The following XYLT2 variants were observed in gnomAD, a reference collection of about 807,000 sequenced individuals.
XYLT2 encodes the protein xylosyltransferase 2, also known as UDP-D-xylose:proteoglycan core protein beta-D-xylosyltransferase.
Under a neutral mutation model 82.6 loss-of-function variants are expected in XYLT2, and 37 were observed. The ratio of observed to expected loss-of-function variants is 0.45; its 90% CI spans 0.34 to 0.59. The LOEUF is 0.59. Among genes scored for constraint, XYLT2 ranks in the 20% least tolerant of loss-of-function variants. The pLI is 0.01. For synonymous variants in XYLT2, 474 were observed against 499.0 expected, an observed-to-expected ratio of 0.95 and a Z score of 0.67; for missense variants, 934 against 1,181.3, an observed-to-expected ratio of 0.79 and a Z score of 3.07.
intron 1 of XYLT2, among the ~76,000 whole-genome samples, chr17:50,349,585 AAAAT>A (rs1912170715): frequency 6.6e-6 from 1 of 152,134 alleles, no homozygotes; most frequent in Admixed American, 6.5e-5. Context: ...TATCTCTATT[AAAAT>A]AAATAAAATA....
At chr17:50,356,841 A>C (rs1375928703) in intron 8 of XYLT2, 68 bp downstream of exon 8, 3 of 1,543,822 alleles carry the variant, frequency 1.9e-6, no homozygotes, top group African/African-American at 2.7e-5. Flanking sequence ...CCAACCAGAG[A>C]GTGACGTCCC....
chr17:50,349,801 G>A (rs368054052), intron 1 of XYLT2, among the ~76,000 whole-genome samples: 26 of 152,246 alleles, frequency 1.7e-4, no homozygotes, highest in African/African-American at 6.0e-4. Flanking sequence ...CAACCCAGCC[G>A]AGTCCAAGAT....
intron 1 of XYLT2, among the ~76,000 whole-genome samples, chr17:50,352,207 G>A (rs1017561423): frequency 2.6e-5 from 4 of 152,238 alleles, no homozygotes; most frequent in Admixed American, 6.5e-5. Context: ...AGTGTCTCAT[G>A]CTCAGTTGTT....
rs1912778170 is a variant in XYLT2 at position 50,360,831 on chromosome 17, A to G, written c.*540A>G. 1.0e-6 allele frequency: 1 copy of G among 985,922 alleles called. No homozygotes were observed. The highest frequency in any genetic ancestry group is 4.7e-5 in the South Asian group (1 of 21,290). The allele number at this position is 985,922 out of a possible 1,614,324, so 61.1% of individuals were successfully genotyped here. A position where few individuals can be genotyped will look rare whatever the true frequency, so the allele number is the denominator to read the frequency against. On this transcript the variant is annotated 3_prime_UTR_variant, in exon 11 of 11. Transcript: ENST00000017003. Reference sequence around the variant, plus strand: ...GCTGCAAGTGCCCTGCCAGGCTCTAAGGCCCGAAGAACAGGTGATATCGGG... The same window carrying G: ...GCTGCAAGTGCCCTGCCAGGCTCTAGGGCCCGAAGAACAGGTGATATCGGG...
In XYLT2 at chr17:50,358,519, C is replaced by A. The variant is rs771602394; in HGVS notation, c.2254C>A (p.Arg752Ser). 1 of 1,612,426 alleles carries A rather than the reference C, an allele frequency of 6.2e-7. No homozygotes were observed. The highest frequency in any genetic ancestry group is 2.2e-5 in the East Asian group (1 of 44,834). Residue 752 changes from arginine (R) to serine (S), a missense_variant, in exon 10 of 11, where the codon CGC (arginine) becomes AGC (serine). Coordinates refer to ENST00000017003, the MANE Select transcript of XYLT2 (RefSeq NM_022167.4). ...RFLVLPLTFN[R>S]KLPLRKDDAS... ...CCTTGTGCTGCCCTTGACCTTCAAC[C>A]GCAAACTACCTCTCAGGAAAGGTAA...
chr17:50,356,362 G>A lies in XYLT2; in HGVS notation c.1482+101G>A, dbSNP rs570310352. On this transcript the variant is annotated intron_variant, in intron 7 of 10. Coordinates refer to ENST00000017003, the MANE Select transcript of XYLT2 (RefSeq NM_022167.4). Reference sequence around the variant, plus strand: ...CCAGTAAGAGAATCTGGGGGGCCACGGCCTGCAGCAACCCTCAGGGGTCTG... The same window carrying A: ...CCAGTAAGAGAATCTGGGGGGCCACAGCCTGCAGCAACCCTCAGGGGTCTG... 6.8e-4 allele frequency: 1,048 copies of A among 1,551,866 alleles called. 18 individuals are homozygous for A. The South Asian group carries it at 0.011, about 16-fold the overall frequency.
chr17:50,361,159 C>T lies in XYLT2; in HGVS notation c.*868C>T, dbSNP rs1232822576. On this transcript the variant is annotated 3_prime_UTR_variant, in exon 11 of 11. Transcript: ENST00000017003. ...TATATCTCTATCTCTCTACTCTGGG[C>T]TCTGTGTTTTTCCTCCTGGGTGTCA... The T allele has an allele frequency of 1.2e-5, 12 of 985,522 alleles. No individual in the cohort carries two copies. In the South Asian group the frequency reaches 5.2e-4, roughly 42 times the overall value. The allele number at this position is 985,522 out of a possible 1,614,324, so 61.0% of individuals were successfully genotyped here.
chr17:50,358,682 C>G, intron 10 of XYLT2, 142 bp downstream of exon 10: 1 of 888,216 alleles, frequency 1.1e-6, no homozygotes. Context: ...CCTTCATCTT[C>G]TTTCCTGTAG....
rs1271982640 is a variant in XYLT2 at position 50,356,106 on chromosome 17, GA to G, written c.1328del (p.Glu443GlyfsTer68). 6.2e-7 allele frequency: 1 copy of G among 1,614,216 alleles called. No individual in the cohort carries two copies. The highest frequency in any genetic ancestry group is 1.7e-5 in the Admixed American group (1 of 60,032). The stretch of plus-strand genomic sequence containing the variant: ...GCAGTCCTTCTTCCACACGGTGCTG[GA>G]GAACAGCCTGGCCTGTGAGACCCTC... Reference protein sequence around the residue: ...PAESFFHTVLENSLACETLVD... With the variant: ...PAESFFHTVLXNSLACETLVD... On this transcript the variant is annotated frameshift_variant, in exon 7 of 11. Coordinates refer to ENST00000017003, the MANE Select transcript of XYLT2 (RefSeq NM_022167.4). LOFTEE classifies it high-confidence loss of function.
chr17:50,347,348 C>G (rs1912086054), intron 1 of XYLT2, among the ~76,000 whole-genome samples: 1 of 152,178 alleles, frequency 6.6e-6, no homozygotes, highest in African/African-American at 2.4e-5. Context: ...GTCTGGAAGG[C>G]CTGGTGTGGA....
At chr17:50,355,401 G>T in intron 4 of XYLT2, 100 bp from the exon 5 acceptor site, 1 of 1,334,186 alleles carries the variant, frequency 7.5e-7, no homozygotes, top group Non-Finnish European at 1.1e-6. Flanking sequence ...CACATGGCCA[G>T]CCAGCAATCA....
At position 50,360,147 on chromosome 17, in the gene XYLT2, C is replaced by T. The variant is rs1403817296; in HGVS notation, c.2454C>T (p.Ser818=). Residue 818 remains serine (S), a synonymous_variant, in exon 11 of 11, where the codon AGC becomes AGT. Coordinates refer to ENST00000017003, the MANE Select transcript of XYLT2 (RefSeq NM_022167.4). ...CCTGGACAGACAGGGAACTGAGCAG[C>T]TTCTGGTCCGTGGCTGGACTGTGTG... ...LEAWTDRELS[S]FWSVAGLCAI... 3 of 1,614,070 alleles carry T rather than the reference C, an allele frequency of 1.9e-6. No homozygotes were observed. The East Asian group carries it at 6.7e-5, about 36-fold the overall frequency.
chr17:50,351,842 GC>G (rs1164000152), intron 1 of XYLT2, among the ~76,000 whole-genome samples: 1 of 152,152 alleles, frequency 6.6e-6, no homozygotes, highest in African/African-American at 2.4e-5. Context: ...GTTCAAGGGA[GC>G]TATCCAGGCC....
rs756734796 is a variant in XYLT2, at chr17:50,356,076, T to C, written c.1306-9T>C. ...CAGCTCACCTTCCACTCTCCCTTGC[T>C]GCTTGCAGTCCTTCTTCCACACGGT... On this transcript the variant is annotated splice_polypyrimidine_tract_variant and intron_variant, in intron 6 of 10. Coordinates refer to ENST00000017003, the MANE Select transcript of XYLT2 (RefSeq NM_022167.4). 1 of 1,614,200 alleles carries C rather than the reference T, an allele frequency of 6.2e-7. No homozygotes were observed. Among genetic ancestry groups the C allele is most frequent in the East Asian group, 2.2e-5 (1 of 44,886 alleles).
intron 2 of XYLT2, 114 bp from the exon 3 acceptor site, chr17:50,354,294 A>G: frequency 6.7e-7 from 1 of 1,491,958 alleles, no homozygotes; most frequent in African/African-American, 1.4e-5. Context: ...GGGACCCACG[A>G]GCATGGAGCT....
At chr17:50,351,767 G>T (rs1912279728) in intron 1 of XYLT2, among the ~76,000 whole-genome samples, 1 of 152,218 alleles carries the variant, frequency 6.6e-6, no homozygotes, top group Admixed American at 6.5e-5. Flanking sequence ...TGGGCTTGTG[G>T]CTTTGAGAGG....
rs1418247046 is a variant in XYLT2, at chr17:50,358,440, G to T, written c.2175G>T (p.Gly725=). 1.9e-6 allele frequency: 3 copies of T among 1,614,064 alleles called. No individual in the cohort carries two copies. Among genetic ancestry groups the T allele is most frequent in the Admixed American group, 3.3e-5 (2 of 60,010 alleles). The change falls in exon 10 of 11, where the codon GGG becomes GGT. Residue 725 remains glycine (G), a synonymous_variant. Transcript: ENST00000017003. ...CACTGAGCCGGCCCCTGCGGCCAGG[G>T]CCCTGGACTGTTCGACTCCTTCAGT... ...KPPLSRPLRP[G]PWTVRLLQFW...
chr17:50,361,135 A>T lies in XYLT2; in HGVS notation c.*844A>T. ...GTCTGAAATATGCAACAGAAGAAAT[A>T]TATCTCTATCTCTCTACTCTGGGCT... On this transcript the variant is annotated 3_prime_UTR_variant, in exon 11 of 11. Transcript: ENST00000017003. 1.0e-6 allele frequency: 1 copy of T among 985,878 alleles called. No homozygotes were observed. The highest frequency in any genetic ancestry group is 1.2e-6 in the Non-Finnish European group (1 of 829,932). 61.1% of individuals were successfully genotyped at this position (985,878 alleles called of 1,614,324 possible).
rs386386236 is a variant in XYLT2, at chr17:50,360,571, CTTTTTTTTTTTT to C, written c.*288_*299del. 4 of 979,878 alleles carry C rather than the reference CTTTTTTTTTTTT, an allele frequency of 4.1e-6. No individual in the cohort carries two copies. In the African/African-American group the frequency reaches 5.9e-5, roughly 15 times the overall value. The allele number at this position is 979,878 out of a possible 1,614,324, so 60.7% of individuals were successfully genotyped here. ...TGTCTAGTTTGAATTTCTTTTTTTT[CTTTTTTTTTTTT>C]TTTTTTTAATTTAAAAAGGAAAATG... On this transcript the variant is annotated 3_prime_UTR_variant, in exon 11 of 11. Transcript: ENST00000017003.
Sources: gnomAD v4.1 joint callset for allele counts (sites outside exome capture counted in the v4.1 genomes callset) on GRCh38, gnomAD v4.1.1 for gene constraint, MANE v1.5 for transcripts, NCBI Gene and HGNC (gene_info 2026-07-23, HGNC 2026-07-21) for gene names.